Variants in GPC6 observed in about 807,000 individuals in gnomAD.
The protein encoded by GPC6 is glypican-6.
In GPC6, 14 loss-of-function variants were observed where a neutral mutation model predicts 55.2. That is an observed-to-expected ratio of 0.25 (90% CI 0.17 to 0.40). The LOEUF is 0.40. Ranked by LOEUF, GPC6 falls within the 10% of genes least tolerant of loss-of-function variation. The probability of loss-of-function intolerance (pLI) is 1.00; values close to 1 mark genes in which losing one functional copy is unlikely to be tolerated. For missense variants in GPC6, 641 were observed against 708.5 expected, an observed-to-expected ratio of 0.90 and a Z score of 1.08; for synonymous variants, 278 against 259.6, an observed-to-expected ratio of 1.07 and a Z score of -0.68.
chr13:93,704,246 A>G (rs1376627535), intron 2 of GPC6, among the ~76,000 whole-genome samples: 3 of 151,858 alleles, frequency 2.0e-5, no homozygotes, highest in African/African-American at 4.8e-5. Flanking sequence ...ATATATTTGT[A>G]CTTACATATT....
At chr13:93,662,868 A>T (rs1458313676) in intron 2 of GPC6, among the ~76,000 whole-genome samples, 1 of 152,084 alleles carries the variant, frequency 6.6e-6, no homozygotes, top group African/African-American at 2.4e-5. Context: ...ACAACAACAA[A>T]AAACAAAACA....
At chr13:93,933,433 C>A (rs144316758) in intron 3 of GPC6, among the ~76,000 whole-genome samples, 278 of 152,252 alleles carry the variant, frequency 1.8e-3, no homozygotes, top group African/African-American at 6.5e-3. Flanking sequence ...CAGAATCCAA[C>A]TGCCTAGCTT....
In GPC6 at chr13:94,281,736, A is replaced by G. The variant is rs184600281; in HGVS notation, c.878-4613A>G. Among the ~76,000 whole-genome samples, 15 of 152,314 alleles carry G rather than the reference A, an allele frequency of 9.8e-5. No homozygotes were observed. The East Asian group carries it at 2.9e-3, about 29-fold the overall frequency. ...AAGAGACTTCACTCTTCATAAAGTC[A>G]ATACTTAGACAAAAATCAGAATTGT... On this transcript the variant is annotated intron_variant, in intron 4 of 8. Transcript: ENST00000377047.
chr13:94,359,028 C>T (rs1878934542), intron 6 of GPC6, among the ~76,000 whole-genome samples: 1 of 152,182 alleles, frequency 6.6e-6, no homozygotes, highest in African/African-American at 2.4e-5. Context: ...GTCCTTTCCT[C>T]TCGACCATAT....
At chr13:93,868,562 G>C (rs1213504697) in intron 3 of GPC6, among the ~76,000 whole-genome samples, 1 of 151,736 alleles carries the variant, frequency 6.6e-6, no homozygotes, top group African/African-American at 2.4e-5. Flanking sequence ...ATGGAGAAAA[G>C]GAAGGAGTTA....
intron 4 of GPC6, among the ~76,000 whole-genome samples, chr13:94,202,669 T>C (rs917575355): frequency 3.9e-5 from 6 of 152,112 alleles, no homozygotes; most frequent in Non-Finnish European, 7.4e-5. Flanking sequence ...CAAGAAAAAG[T>C]ATGGGTTGTT....
Position 93,277,325 on chromosome 13 carries a change from C to T in GPC6, c.160+49709C>T, listed in dbSNP as rs142306815. 3.3e-3 allele frequency among the ~76,000 whole-genome samples: 508 copies of T among 152,218 alleles called. 2 individuals carry two copies. Among genetic ancestry groups the T allele is most frequent in the African/African-American group, 0.012 (488 of 41,520 alleles). On this transcript the variant is annotated intron_variant, in intron 1 of 8. Transcript: ENST00000377047. Reference sequence around the variant, plus strand: ...CTGTCTCAGCATCACATCTATAAAACGATGAAGACAATATCTGCCAACCTA... The same window carrying T: ...CTGTCTCAGCATCACATCTATAAAATGATGAAGACAATATCTGCCAACCTA...
chr13:93,966,601 A>T (rs1566626253), intron 3 of GPC6, among the ~76,000 whole-genome samples: 1 of 150,686 alleles, frequency 6.6e-6, no homozygotes, highest in Non-Finnish European at 1.5e-5. Flanking sequence ...CAGATATTAA[A>T]TTATTTAGGA....
intron 4 of GPC6, among the ~76,000 whole-genome samples, chr13:94,066,871 G>T (rs1305745724): frequency 6.6e-6 from 1 of 152,198 alleles, no homozygotes; most frequent in Admixed American, 6.5e-5. Flanking sequence ...TTCAGAGAAA[G>T]CTCCCTGAGA....
intron 1 of GPC6, among the ~76,000 whole-genome samples, chr13:93,240,709 T>C (rs1273002557): frequency 6.6e-6 from 1 of 152,296 alleles, no homozygotes; most frequent in Non-Finnish European, 1.5e-5. Flanking sequence ...TTTTGTATTC[T>C]CCATCATGTT....
chr13:94,174,761 C>A (rs780018398), intron 4 of GPC6, among the ~76,000 whole-genome samples: 3 of 152,104 alleles, frequency 2.0e-5, no homozygotes, highest in Non-Finnish European at 4.4e-5. Context: ...TCCAAAGTCA[C>A]GGAAAACAGC....
At chr13:93,233,284 A>G (rs1876122802) in intron 1 of GPC6, among the ~76,000 whole-genome samples, 1 of 152,116 alleles carries the variant, frequency 6.6e-6, no homozygotes, top group African/African-American at 2.4e-5. Context: ...GAAAATATCT[A>G]AGAATTTTTA....
intron 2 of GPC6, among the ~76,000 whole-genome samples, chr13:93,679,473 T>C (rs1881769448): frequency 6.6e-6 from 1 of 152,180 alleles, no homozygotes; most frequent in Admixed American, 6.6e-5. Context: ...ATTTTTAAAA[T>C]GATGTCCCTA....
At chr13:93,919,836 G>A (rs1183446651) in intron 3 of GPC6, among the ~76,000 whole-genome samples, 1 of 152,150 alleles carries the variant, frequency 6.6e-6, no homozygotes, top group Non-Finnish European at 1.5e-5. Context: ...GAAAACAGAA[G>A]GCCAAAGAAG....
At chr13:93,447,656 T>C (rs761086066) in intron 1 of GPC6, among the ~76,000 whole-genome samples, 13 of 152,210 alleles carry the variant, frequency 8.5e-5, no homozygotes, top group Non-Finnish European at 1.8e-4. Flanking sequence ...TTAGTTCATA[T>C]ACATGAAATG....
intron 1 of GPC6, among the ~76,000 whole-genome samples, chr13:93,504,317 G>A (rs2813591): frequency 6.6e-6 from 1 of 151,878 alleles, no homozygotes; most frequent in Non-Finnish European, 1.5e-5. Context: ...GATTAAATAT[G>A]AGTTCCAAAT....
chr13:93,781,471 T>C (rs1885649486), intron 2 of GPC6, among the ~76,000 whole-genome samples: 1 of 152,146 alleles, frequency 6.6e-6, no homozygotes, highest in Non-Finnish European at 1.5e-5. Flanking sequence ...AACCAAAATA[T>C]GGATTTTGTA....
chr13:93,311,201 T>G (rs2139108578), intron 1 of GPC6, among the ~76,000 whole-genome samples: 1 of 152,310 alleles, frequency 6.6e-6, no homozygotes, highest in South Asian at 2.1e-4. Flanking sequence ...CCTTTTCTAT[T>G]TCTGGAAGGC....
At position 94,342,297 on chromosome 13, in the gene GPC6, G is replaced by T. The variant is rs185597239; in HGVS notation, c.1152+36174G>T. ...GAATGAGACCTTAATTGAGAATAGG[G>T]TCTTTGCAGATGTAACCAATAGGTC... On this transcript the variant is annotated intron_variant, in intron 6 of 8. Coordinates refer to ENST00000377047, the MANE Select transcript of GPC6 (RefSeq NM_005708.5). 9.8e-5 allele frequency among the ~76,000 whole-genome samples: 15 copies of T among 152,330 alleles called. No individual in the cohort carries two copies. In the East Asian group the frequency reaches 2.9e-3, roughly 29 times the overall value.
Sources: gnomAD v4.1 joint callset for allele counts (sites outside exome capture counted in the v4.1 genomes callset) on GRCh38, gnomAD v4.1.1 for gene constraint, MANE v1.5 for transcripts, NCBI Gene and HGNC (gene_info 2026-07-23, HGNC 2026-07-21) for gene names.